The following CLDN20 variants were observed in gnomAD, a reference collection of about 807,000 sequenced individuals.
CLDN20 encodes claudin-20.
For missense variants in CLDN20, 258 were observed against 267.9 expected, an observed-to-expected ratio of 0.96 and a Z score of 0.26; for synonymous variants, 104 against 103.6, an observed-to-expected ratio of 1.00 and a Z score of -0.03.
intron 1 of CLDN20, among the ~76,000 whole-genome samples, chr6:155,271,215 T>C (rs1053287151): frequency 2.6e-5 from 4 of 152,184 alleles, no homozygotes; most frequent in Non-Finnish European, 5.9e-5. Flanking sequence ...CTTCTTTCTG[T>C]ATAATGGCTA....
intron 1 of CLDN20, among the ~76,000 whole-genome samples, chr6:155,270,102 G>C (rs922029963): frequency 1.3e-5 from 2 of 152,180 alleles, no homozygotes; most frequent in African/African-American, 4.8e-5. Flanking sequence ...AGGGATGTTG[G>C]GTATGGAATC....
chr6:155,274,361 T>C (rs1216464608), intron 1 of CLDN20, among the ~76,000 whole-genome samples: 1 of 152,224 alleles, frequency 6.6e-6, no homozygotes, highest in Non-Finnish European at 1.5e-5. Flanking sequence ...AGCCTTTTTG[T>C]TTCTTAAAAC....
chr6:155,269,324 C>G (rs200942780), intron 1 of CLDN20, among the ~76,000 whole-genome samples: 1 of 127,270 alleles, frequency 7.9e-6, no homozygotes, highest in Non-Finnish European at 1.6e-5. Context: ...CTTTTCTTTT[C>G]TTTTTTTTTT....
chr6:155,273,607 T>C (rs1785039976), intron 1 of CLDN20, among the ~76,000 whole-genome samples: 1 of 152,140 alleles, frequency 6.6e-6, no homozygotes, highest in African/African-American at 2.4e-5. Flanking sequence ...ATGGTGCTTT[T>C]TGCCTCCAGA....
rs149655729 is a variant in CLDN20, at chr6:155,274,158, C to T, written c.-104-1458C>T. On this transcript the variant is annotated intron_variant, in intron 1 of 1. Coordinates refer to ENST00000367165, the MANE Select transcript of CLDN20 (RefSeq NM_001001346.3). Reference sequence around the variant, plus strand: ...GGCCCAAGTGTCTTTGACTCAAGAGCCTGTATCACCTTTTGTAAAATACAT... The same window carrying T: ...GGCCCAAGTGTCTTTGACTCAAGAGTCTGTATCACCTTTTGTAAAATACAT... Among the ~76,000 whole-genome samples, 1,182 of 152,306 alleles carry T rather than the reference C, an allele frequency of 7.8e-3. 7 individuals are homozygous for T. Among genetic ancestry groups the T allele is most frequent in the Middle Eastern group, 0.017 (5 of 294 alleles).
At chr6:155,273,718 T>G (rs972014783) in intron 1 of CLDN20, among the ~76,000 whole-genome samples, 8 of 152,036 alleles carry the variant, frequency 5.3e-5, no homozygotes, top group African/African-American at 1.9e-4. Flanking sequence ...GATGACCCTG[T>G]GAGGTAGGAG....
In CLDN20 at chr6:155,269,856, A is replaced by G. The variant is rs1010412424; in HGVS notation, c.-105+5568A>G. On this transcript the variant is annotated intron_variant, in intron 1 of 1. Transcript: ENST00000367165. ...TTTATAGTTTAACATTATATACTTA[A>G]AGTCAGTTTCTGAATTCATTCATTG... Among the ~76,000 whole-genome samples the G allele has an allele frequency of 8.5e-5, 13 of 152,352 alleles. 2 individuals are homozygous for G. The highest frequency in any genetic ancestry group is 8.3e-4 in the South Asian group (4 of 4,834).
intron 1 of CLDN20, among the ~76,000 whole-genome samples, chr6:155,268,343 C>T (rs1784756686): frequency 6.6e-6 from 1 of 152,148 alleles, no homozygotes; most frequent in African/African-American, 2.4e-5. Context: ...TGTCAGCCAC[C>T]AAAGTGTTTC....
chr6:155,272,762 C>T (rs1198120013), intron 1 of CLDN20, among the ~76,000 whole-genome samples: 1 of 152,112 alleles, frequency 6.6e-6, no homozygotes, highest in African/African-American at 2.4e-5. Context: ...AGTAAGCAAG[C>T]ACTATGCTAA....
At chr6:155,271,582 G>T (rs1206352880) in intron 1 of CLDN20, among the ~76,000 whole-genome samples, 1 of 151,950 alleles carries the variant, frequency 6.6e-6, no homozygotes, top group East Asian at 1.9e-4. Flanking sequence ...TCTTCTGAAT[G>T]ATTATTTTGA....
chr6:155,275,667 C>A lies in CLDN20; in HGVS notation c.-53C>A. ...CAGAAATAGATAGAATTCTGACAGC[C>A]ATCATTGTTAAACATCAGGATTTTC... On this transcript the variant is annotated 5_prime_UTR_variant, in exon 2 of 2. Transcript: ENST00000367165. The A allele has an allele frequency of 1.3e-6, 2 of 1,494,222 alleles. No individual in the cohort carries two copies. Among genetic ancestry groups the A allele is most frequent in the African/African-American group, 1.4e-5 (1 of 72,154 alleles). The allele number at this position is 1,494,222 out of a possible 1,614,324, so 92.6% of individuals were successfully genotyped here. A position where few individuals can be genotyped will look rare whatever the true frequency, so the allele number is the denominator to read the frequency against.
Position 155,275,763 on chromosome 6 carries a change from T to G in CLDN20, c.44T>G (p.Leu15Ter), listed in dbSNP as rs201230000. Reference sequence around the variant, plus strand: ...CAGCTCCTTGCTTTCATCCTGGCCTTATCTGGGGTCTCTGGAGTGCTCACA... The same window carrying G: ...CAGCTCCTTGCTTTCATCCTGGCCTGATCTGGGGTCTCTGGAGTGCTCACA... ...GLQLLAFILA[L>*]SGVSGVLTAT... The change falls in exon 2 of 2, where the codon TTA becomes TGA. Residue 15 changes from leucine to a stop codon, truncating the protein, a stop_gained. Transcript: ENST00000367165. LOFTEE classifies it low-confidence loss of function (END_TRUNC). 35 of 1,614,140 alleles carry G rather than the reference T, an allele frequency of 2.2e-5. No homozygotes were observed. Among genetic ancestry groups the G allele is most frequent in the Non-Finnish European group, 3.0e-5 (35 of 1,180,006 alleles).
At chr6:155,272,492 C>T (rs1304703062) in intron 1 of CLDN20, among the ~76,000 whole-genome samples, 3 of 151,838 alleles carry the variant, frequency 2.0e-5, no homozygotes, top group African/African-American at 4.8e-5. Context: ...CTCCCCTCTG[C>T]TTCTGCTTGC....
chr6:155,265,707 A>AAATATATTTATATATAATATAAATATAT (rs1784597921), intron 1 of CLDN20, among the ~76,000 whole-genome samples: 1 of 146,884 alleles, frequency 6.8e-6, no homozygotes, highest in South Asian at 2.1e-4. Context: ...TATAAATATT[A>AAATATATTTATATATAATATAAATATAT]AATATATTTA....
chr6:155,264,099 A>G lies in CLDN20; in HGVS notation c.-294A>G, dbSNP rs9397236. ...ATCTTGCAGGCTATAGGCACCACAA[A>G]ATGGAACGCAGGAGGACAGGGGCTT... is the stretch of plus-strand genomic sequence containing the variant. On this transcript the variant is annotated 5_prime_UTR_variant, in exon 1 of 2. Transcript: ENST00000367165. 117,816 of 152,120 alleles carry G rather than the reference A, an allele frequency of 0.77. 46,801 individuals are homozygous for G. Among genetic ancestry groups the G allele is most frequent in the East Asian group, 1 (5,165 of 5,186 alleles). 9.4% of individuals were successfully genotyped at this position (152,120 alleles called of 1,614,324 possible).
intron 1 of CLDN20, among the ~76,000 whole-genome samples, chr6:155,268,854 TG>T (rs1316816172): frequency 1.3e-5 from 2 of 150,232 alleles, no homozygotes; most frequent in South Asian, 2.1e-4. Flanking sequence ...CAGAGACCTT[TG>T]TTCACTTGTT....
intron 1 of CLDN20, among the ~76,000 whole-genome samples, chr6:155,274,286 A>G (rs949694376): frequency 6.6e-6 from 1 of 152,240 alleles, no homozygotes; most frequent in African/African-American, 2.4e-5. Context: ...ATTTTTCTCA[A>G]ATAAGGCAGT....
intron 1 of CLDN20, among the ~76,000 whole-genome samples, chr6:155,272,694 A>T (rs1048083716): frequency 6.6e-6 from 1 of 152,104 alleles, no homozygotes; most frequent in African/African-American, 2.4e-5. Context: ...TGGAGAACAA[A>T]TTCTTTCTAC....
In CLDN20 at chr6:155,274,334, A is replaced by G. The variant is rs185798637; in HGVS notation, c.-104-1282A>G. On this transcript the variant is annotated intron_variant, in intron 1 of 1. Transcript: ENST00000367165. ...ATGGGCTAGATAGGGGAACAGGAATAGAAAGATGGAATCGAAAGCCTTTTT... is the reference window on the plus strand; with the variant it reads ...ATGGGCTAGATAGGGGAACAGGAATGGAAAGATGGAATCGAAAGCCTTTTT... Among the ~76,000 whole-genome samples the G allele has an allele frequency of 3.5e-4, 54 of 152,382 alleles. No individual in the cohort carries two copies. The East Asian group carries it at 9.0e-3, about 26-fold the overall frequency.
Sources: allele counts gnomAD v4.1 joint callset (sites outside exome capture counted in the v4.1 genomes callset), GRCh38; gene constraint gnomAD v4.1.1; transcripts MANE v1.5; gene names NCBI Gene and HGNC (gene_info 2026-07-23, HGNC 2026-07-21).